Variants in LEKR1 observed in about 807,000 individuals in gnomAD.
LEKR1 encodes leucine, glutamate and lysine rich 1.
A neutral mutation model predicts 72.4 loss-of-function variants in LEKR1; 59 were observed. The observed-to-expected ratio is 0.82, with a 90% CI of 0.66 to 1.01. LEKR1 has a LOEUF of 1.01. Ranked by LOEUF, LEKR1 falls within the 50% of genes least tolerant of loss-of-function variation. The probability of loss-of-function intolerance (pLI) is 0.00; values close to 1 mark genes in which losing one functional copy is unlikely to be tolerated. For synonymous variants in LEKR1, 257 were observed against 263.2 expected, an observed-to-expected ratio of 0.98 and a Z score of 0.23; for missense variants, 728 against 759.2, an observed-to-expected ratio of 0.96 and a Z score of 0.48.
chr3:156,861,183 A>G (rs995864603), intron 3 of LEKR1, among the ~76,000 whole-genome samples: 1 of 152,122 alleles, frequency 6.6e-6, no homozygotes, highest in African/African-American at 2.4e-5. Flanking sequence ...TATAATGTGT[A>G]TGCTTAATTT....
chr3:156,956,900 T>G (rs1399330219), intron 6 of LEKR1, among the ~76,000 whole-genome samples: 1 of 151,984 alleles, frequency 6.6e-6, no homozygotes, highest in Non-Finnish European at 1.5e-5. Context: ...GAAAAACACA[T>G]AATAAACACA....
chr3:156,963,020 C>T (rs1728258797), intron 6 of LEKR1, among the ~76,000 whole-genome samples: 1 of 152,088 alleles, frequency 6.6e-6, no homozygotes, highest in Middle Eastern at 3.4e-3. Context: ...ATTCACCCCT[C>T]TCAGATAGTT....
intron 10 of LEKR1, among the ~76,000 whole-genome samples, chr3:157,015,219 G>A (rs540713004): frequency 1.8e-4 from 28 of 152,276 alleles, no homozygotes; most frequent in Admixed American, 3.3e-4. Context: ...GGGAGATCAT[G>A]GTGGCTAAAG....
chr3:156,846,676 G>C (rs918604047), intron 2 of LEKR1, among the ~76,000 whole-genome samples: 1 of 151,992 alleles, frequency 6.6e-6, no homozygotes, highest in Non-Finnish European at 1.5e-5. Flanking sequence ...TTACTGAATG[G>C]AAAACCTCTT....
At chr3:156,982,909 G>A (rs78569422) in intron 7 of LEKR1, among the ~76,000 whole-genome samples, 20 of 136,994 alleles carry the variant, frequency 1.5e-4, no homozygotes, top group African/African-American at 2.1e-4. Flanking sequence ...ATAGATAGAT[G>A]GAAGAGCTAG....
At position 156,992,692 on chromosome 3, in the gene LEKR1, T is replaced by G; in HGVS notation, c.867T>G (p.Leu289=). Residue 289 remains leucine, a synonymous_variant, in exon 8 of 13, where the codon CTT becomes CTG. Coordinates refer to ENST00000356539, the MANE Select transcript of LEKR1 (RefSeq NM_001004316.3). ...AAGCTGATGACTGTCAAAGAGAACTTAAAAAACTGAAGTTTGAATCCATTA... is the reference window on the plus strand; with the variant it reads ...AAGCTGATGACTGTCAAAGAGAACTGAAAAAACTGAAGTTTGAATCCATTA... ...SNEADDCQRE[L]KKLKFESIIS... is the part of the protein sequence containing the mutation. 9.6e-7 allele frequency: 1 copy of G among 1,041,088 alleles called. No individual in the cohort carries two copies. The highest frequency in any genetic ancestry group is 1.2e-6 in the Non-Finnish European group (1 of 826,156). The allele number at this position is 1,041,088 out of a possible 1,614,324, so 64.5% of individuals were successfully genotyped here. A position where few individuals can be genotyped will look rare whatever the true frequency, so the allele number is the denominator to read the frequency against.
chr3:156,840,022 G>A (rs1713699825), intron 2 of LEKR1, among the ~76,000 whole-genome samples: 1 of 152,132 alleles, frequency 6.6e-6, no homozygotes, highest in African/African-American at 2.4e-5. Context: ...TCCTCAGCCT[G>A]CTCAATGTGA....
At chr3:156,904,560 A>G (rs1255690826) in intron 3 of LEKR1, among the ~76,000 whole-genome samples, 1 of 151,586 alleles carries the variant, frequency 6.6e-6, no homozygotes, top group East Asian at 1.9e-4. Context: ...CTCGGGCTCA[A>G]GCAATACTGC....
At chr3:157,009,255 T>C (rs1397925696) in intron 9 of LEKR1, among the ~76,000 whole-genome samples, 2 of 152,144 alleles carry the variant, frequency 1.3e-5, no homozygotes, top group African/African-American at 4.8e-5. Flanking sequence ...AAAACATTAT[T>C]TAAATATGTA....
intron 9 of LEKR1, among the ~76,000 whole-genome samples, chr3:156,998,461 G>C (rs1411623061): frequency 5.3e-5 from 8 of 152,042 alleles, no homozygotes; most frequent in Non-Finnish European, 1.0e-4. Context: ...CATACCCTTT[G>C]CATTCTTAGA....
At chr3:156,885,409 G>C (rs893272610) in intron 3 of LEKR1, among the ~76,000 whole-genome samples, 4 of 152,200 alleles carry the variant, frequency 2.6e-5, no homozygotes, top group African/African-American at 9.7e-5. Flanking sequence ...TATTTGGGTA[G>C]ACTGTTTCAG....
chr3:156,857,069 C>T (rs1159169809), intron 3 of LEKR1, among the ~76,000 whole-genome samples: 1 of 152,046 alleles, frequency 6.6e-6, no homozygotes, highest in African/African-American at 2.4e-5. Context: ...TACCTTTTAT[C>T]AATTTAAGGA....
intron 6 of LEKR1, among the ~76,000 whole-genome samples, chr3:156,966,878 C>G (rs937117375): frequency 3.3e-5 from 5 of 152,304 alleles, no homozygotes; most frequent in Admixed American, 6.5e-5. Flanking sequence ...AGGCACCCCC[C>G]AGTAGGGGCA....
chr3:157,001,707 A>G (rs1732027389), intron 9 of LEKR1, among the ~76,000 whole-genome samples: 1 of 152,250 alleles, frequency 6.6e-6, no homozygotes, highest in Non-Finnish European at 1.5e-5. Flanking sequence ...AAGCAAAGAC[A>G]GCATGACATA....
chr3:156,923,637 C>T (rs1027995708), intron 4 of LEKR1, among the ~76,000 whole-genome samples: 16 of 152,096 alleles, frequency 1.1e-4, no homozygotes, highest in African/African-American at 3.1e-4. Context: ...TGTAAACATT[C>T]ATATACAAGT....
At chr3:156,960,668 C>A (rs942069306) in intron 6 of LEKR1, among the ~76,000 whole-genome samples, 8 of 152,042 alleles carry the variant, frequency 5.3e-5, no homozygotes, top group African/African-American at 1.9e-4. Flanking sequence ...CCCTTTATTT[C>A]TGTCTTGAAA....
At chr3:156,976,739 A>T (rs1729728838) in intron 6 of LEKR1, among the ~76,000 whole-genome samples, 2 of 152,180 alleles carry the variant, frequency 1.3e-5, no homozygotes, top group African/African-American at 4.8e-5. Context: ...AAGAGTTTAT[A>T]TTTCAAGTGT....
intron 3 of LEKR1, among the ~76,000 whole-genome samples, chr3:156,904,485 T>G (rs1220179631): frequency 6.6e-6 from 1 of 151,254 alleles, no homozygotes; most frequent in Non-Finnish European, 1.5e-5. Flanking sequence ...TCACACTGTG[T>G]CACTCATATT....
chr3:156,931,583 C>T (rs887712039), intron 5 of LEKR1, among the ~76,000 whole-genome samples: 2 of 151,986 alleles, frequency 1.3e-5, no homozygotes, highest in Admixed American at 6.6e-5. Flanking sequence ...TCAAAATATC[C>T]TAAAACTGCA....
Sources: gnomAD v4.1 joint callset for allele counts (sites outside exome capture counted in the v4.1 genomes callset) on GRCh38, gnomAD v4.1.1 for gene constraint, MANE v1.5 for transcripts, NCBI Gene and HGNC (gene_info 2026-07-23, HGNC 2026-07-21) for gene names.